The following DHRS4L2 variants were observed in gnomAD, a reference collection of about 807,000 sequenced individuals.
DHRS4L2 encodes dehydrogenase/reductase SDR family member 4-like 2.
Under a neutral mutation model 23.9 loss-of-function variants are expected in DHRS4L2, and 22 were observed. That is an observed-to-expected ratio of 0.92 (90% CI 0.66 to 1.31). The LOEUF (loss-of-function observed/expected upper bound fraction) is 1.31. Among genes scored for constraint, DHRS4L2 ranks in the 40% most tolerant of loss-of-function variants. The pLI, the probability that DHRS4L2 is intolerant of heterozygous loss-of-function variation, is 0.00. For synonymous variants in DHRS4L2, 141 were observed against 123.7 expected (o/e 1.14, Z -0.93); for missense variants, 385 against 303.3 (o/e 1.27, Z -2.00).
intron 3 of DHRS4L2, among the ~76,000 whole-genome samples, chr14:23,999,327 C>A (rs2034440230): frequency 7.9e-6 from 1 of 125,994 alleles, no homozygotes. Context: ...GCAGGGTTGC[C>A]ACGAAACTCC....
At chr14:23,976,278 T>A (rs2033962263) in intron 1 of DHRS4L2, among the ~76,000 whole-genome samples, 1 of 151,462 alleles carries the variant, frequency 6.6e-6, no homozygotes, top group Non-Finnish European at 1.5e-5. Context: ...AATAACCCCA[T>A]CAAAAAGTGG....
At chr14:23,994,222 A>C (rs2034329713) in intron 2 of DHRS4L2, among the ~76,000 whole-genome samples, 1 of 151,692 alleles carries the variant, frequency 6.6e-6, no homozygotes, top group Non-Finnish European at 1.5e-5. Context: ...ACTGGACAGT[A>C]AGCACTTGGA....
upstream of DHRS4L2, chr14:23,987,406 G>A (rs138436338): frequency 2.5e-3 from 457 of 184,868 alleles, 11 homozygotes; most frequent in African/African-American, 0.011. Flanking sequence ...TGGGATTACA[G>A]GGTGAGCCAC....
At chr14:23,982,822 C>T (rs1321952899) in intron 1 of DHRS4L2, among the ~76,000 whole-genome samples, 2 of 151,692 alleles carry the variant, frequency 1.3e-5, no homozygotes, top group African/African-American at 2.4e-5. Context: ...CCCTTCCTTA[C>T]ACCTTATACA....
chr14:23,999,159 C>A, intron 3 of DHRS4L2, among the ~76,000 whole-genome samples: 1 of 144,480 alleles, frequency 6.9e-6, no homozygotes, highest in Admixed American at 7.0e-5. Context: ...TTTGTGGTAC[C>A]CCAAAACAAT....
chr14:24,004,282 A>AAG lies in DHRS4L2; in HGVS notation c.666-54_666-53insGA. On this transcript the variant is annotated intron_variant, in intron 6 of 7. Transcript: ENST00000335125. ...AGACTCCGTCTCTAAAAAAAAAAAA[A>AAG]AAAAAAGAAAGGAAAAGAAAAAAAA... is the stretch of plus-strand genomic sequence containing the variant. 5.2e-6 allele frequency: 8 copies of AAG among 1,527,918 alleles called. No homozygotes were observed. In the South Asian group the frequency reaches 1.0e-4, roughly 20 times the overall value. The allele number at this position is 1,527,918 out of a possible 1,614,324, so 94.6% of individuals were successfully genotyped here.
At chr14:23,990,806 A>G in intron 2 of DHRS4L2, 1 of 425,338 alleles carries the variant, frequency 2.4e-6, no homozygotes, top group Non-Finnish European at 3.1e-6. Flanking sequence ...AGACCTGACA[A>G]CAACCCAAGC....
exon 1 of DHRS4L2, chr14:23,970,031 C>A (rs1323675549): frequency 4.4e-6 from 2 of 456,134 alleles, no homozygotes; most frequent in Admixed American, 4.7e-5. Context: ...CTAGCATGTG[C>A]GGCTGCTCCA....
chr14:23,990,662 T>A (rs2034251187), intron 2 of DHRS4L2: 14 of 1,174,014 alleles, frequency 1.2e-5, no homozygotes, highest in African/African-American at 1.6e-5. Flanking sequence ...TTCCCACCCA[T>A]GAGCTAATAA....
intron 2 of DHRS4L2, among the ~76,000 whole-genome samples, chr14:23,991,923 A>G (rs573027592): frequency 3.3e-5 from 5 of 151,330 alleles, no homozygotes; most frequent in Admixed American, 3.3e-4. Flanking sequence ...TTTAGTAGAG[A>G]CGGGGTTTCA....
chr14:23,970,234 C>A (rs1381300346), exon 1 of DHRS4L2: 2 of 452,744 alleles, frequency 4.4e-6, no homozygotes, highest in African/African-American at 2.1e-5. Context: ...TGCCTCACAC[C>A]CCGCTACCCC....
Position 23,996,282 on chromosome 14 carries a change from C to G in DHRS4L2, c.408+1149C>G, listed in dbSNP as rs553108954. The stretch of plus-strand genomic sequence containing the variant: ...GACTTAGAGGGGACAAACTTACCAA[C>G]TATATCAGGTGTCATCAAAATTTCT... On this transcript the variant is annotated intron_variant, in intron 3 of 7. Coordinates refer to ENST00000335125, the MANE Select transcript of DHRS4L2 (RefSeq NM_198083.4). Among the ~76,000 whole-genome samples, 6 of 151,576 alleles carry G rather than the reference C, an allele frequency of 4.0e-5. 1 individual carries two copies. In the South Asian group the frequency reaches 1.3e-3, roughly 32 times the overall value.
chr14:23,990,204 C>A lies in DHRS4L2; in HGVS notation c.151C>A (p.Arg51Ser), dbSNP rs146647822. The change falls in exon 2 of 8, where the codon CGT (arginine) becomes AGT (serine). Residue 51 changes from arginine (R) to serine (S), a missense_variant. Arg to Ser is a moderately radical substitution (Grantham distance 110). Transcript: ENST00000335125. Reference protein sequence around the residue: ...TDGIGFAIARRLAQDRAHVVV... With the variant: ...TDGIGFAIARSLAQDRAHVVV... ...CAGGATCGGCTTCGCCATCGCCCGGCGTTTGGCCCAGGACAGGGCCCACGT... is the reference window on the plus strand; with the variant it reads ...CAGGATCGGCTTCGCCATCGCCCGGAGTTTGGCCCAGGACAGGGCCCACGT... 1.1e-4 allele frequency: 172 copies of A among 1,612,628 alleles called. 5 individuals are homozygous for A. The highest frequency in any genetic ancestry group is 1.4e-4 in the Non-Finnish European group (169 of 1,179,332).
upstream of DHRS4L2, among the ~76,000 whole-genome samples, chr14:23,985,032 T>C (rs1003591737): frequency 2.0e-5 from 3 of 151,354 alleles, no homozygotes; most frequent in Admixed American, 6.6e-5. Flanking sequence ...TGACTTAGTG[T>C]AGGCTTGTAT....
At chr14:23,998,447 T>C (rs1188443873) in intron 3 of DHRS4L2, among the ~76,000 whole-genome samples, 2 of 149,846 alleles carry the variant, frequency 1.3e-5, no homozygotes, top group African/African-American at 4.9e-5. Context: ...CACTAGAAGG[T>C]TGTTTCATCT....
At position 23,974,030 on chromosome 14, in the gene DHRS4L2, G is replaced by T. The variant is rs370739546; in HGVS notation, c.-176+3698G>T. Among the ~76,000 whole-genome samples the T allele has an allele frequency of 2.4e-3, 367 of 151,524 alleles. 4 individuals are homozygous for T. The East Asian group carries it at 0.033, about 13-fold the overall frequency. On this transcript the variant is annotated intron_variant, in intron 1 of 5. Coordinates refer to the DHRS4L2 transcript ENST00000534993. ...ACTCCTCAGCAAATGCCAAAGAACA[G>T]CAATCACAACAAACTGTCTCCCAGA...
chr14:23,974,475 G>T lies in DHRS4L2; in HGVS notation c.-176+4143G>T, dbSNP rs180958211. ...CAATGAATCCAGGAGCTGGATTTTTGAAAAGATCAACAAAATGGACTGCTA... is the reference window on the plus strand; with the variant it reads ...CAATGAATCCAGGAGCTGGATTTTTTAAAAGATCAACAAAATGGACTGCTA... On this transcript the variant is annotated intron_variant, in intron 1 of 5. Transcript: ENST00000534993. Among the ~76,000 whole-genome samples, 103 of 150,740 alleles carry T rather than the reference G, an allele frequency of 6.8e-4. 4 individuals carry two copies. The highest frequency in any genetic ancestry group is 1.6e-4 in the Non-Finnish European group (11 of 67,680).
At position 24,001,070 on chromosome 14, in the gene DHRS4L2, T is replaced by C. The variant is rs1346324277; in HGVS notation, c.517T>C (p.Phe173Leu). ...SVVIVSSIAAFSPSPGFSPYN... is the reference protein window; with the variant it reads ...SVVIVSSIAALSPSPGFSPYN... ...GGTGATCGTGTCTTCCATAGCAGCC[T>C]TCAGTCCATCTCCTGTAAGAACCCT... is the stretch of plus-strand genomic sequence containing the variant. The change falls in exon 5 of 8, where the codon TTC becomes CTC. Residue 173 changes from phenylalanine (F) to leucine (L), a missense_variant. Physicochemically the swap from Phe to Leu is conservative, Grantham distance 22 (BLOSUM62 0). Transcript: ENST00000335125. The C allele has an allele frequency of 1.2e-6, 2 of 1,611,070 alleles. No homozygotes were observed. The highest frequency in any genetic ancestry group is 1.7e-6 in the Non-Finnish European group (2 of 1,179,446).
chr14:23,989,922 T>C (rs1372114865), intron 1 of DHRS4L2, among the ~76,000 whole-genome samples: 1 of 151,774 alleles, frequency 6.6e-6, no homozygotes, highest in African/African-American at 2.4e-5. Flanking sequence ...AGATGAAGCC[T>C]GTCACCCGTG....
Sources: allele counts gnomAD v4.1 joint callset (sites outside exome capture counted in the v4.1 genomes callset), GRCh38; gene constraint gnomAD v4.1.1; transcripts MANE v1.5; gene names NCBI Gene and HGNC (gene_info 2026-07-23, HGNC 2026-07-21).